SLC2A13: variants seen among roughly 807,000 people sequenced by gnomAD.
SLC2A13 encodes the protein solute carrier family 2 member 13, also known as proton myo-inositol cotransporter.
Under a neutral mutation model 64.4 loss-of-function variants are expected in SLC2A13, and 32 were observed. The observed-to-expected ratio is 0.50, with a 90% CI of 0.37 to 0.67. The LOEUF (loss-of-function observed/expected upper bound fraction) is 0.67. Ranked by LOEUF, SLC2A13 falls within the 30% of genes least tolerant of loss-of-function variation. The pLI is 0.00. For synonymous variants in SLC2A13, 338 were observed against 327.1 expected (o/e 1.03, Z -0.36); for missense variants, 743 against 829.2 (o/e 0.90, Z 1.28).
intron 1 of SLC2A13, among the ~76,000 whole-genome samples, chr12:40,100,075 G>A (rs1222142887): frequency 1.3e-5 from 2 of 151,972 alleles, no homozygotes; most frequent in African/African-American, 4.8e-5. Context: ...TTGCACTGAG[G>A]AAGAATTCAA....
At chr12:39,959,926 T>C (rs972386465) in intron 3 of SLC2A13, among the ~76,000 whole-genome samples, 5 of 152,222 alleles carry the variant, frequency 3.3e-5, no homozygotes, top group Non-Finnish European at 7.3e-5. Context: ...ACCCATCACC[T>C]AGGCATTAAG....
intron 6 of SLC2A13, among the ~76,000 whole-genome samples, chr12:39,852,207 G>A (rs138135317): frequency 4.3e-4 from 65 of 152,268 alleles, no homozygotes; most frequent in East Asian, 3.3e-3. Context: ...ACATGAATCC[G>A]TGTTTTCAAA....
At chr12:39,761,195 A>T (rs530519971) in intron 9 of SLC2A13, among the ~76,000 whole-genome samples, 1 of 152,010 alleles carries the variant, frequency 6.6e-6, no homozygotes, top group African/African-American at 2.4e-5. Context: ...TGGCCATGTG[A>T]CTTCTGGATA....
intron 3 of SLC2A13, among the ~76,000 whole-genome samples, chr12:40,009,553 C>T (rs1230737770): frequency 6.6e-6 from 1 of 152,128 alleles, no homozygotes; most frequent in Non-Finnish European, 1.5e-5. Flanking sequence ...CTTCAGCCAC[C>T]CGAGTATCTG....
chr12:39,997,552 C>T (rs993635959), intron 3 of SLC2A13, among the ~76,000 whole-genome samples: 3 of 152,128 alleles, frequency 2.0e-5, no homozygotes, highest in Non-Finnish European at 4.4e-5. Flanking sequence ...ATAATCAGGC[C>T]AGGCATAATG....
chr12:39,895,121 A>G (rs1050934548), intron 4 of SLC2A13, among the ~76,000 whole-genome samples: 3 of 152,082 alleles, frequency 2.0e-5, no homozygotes, highest in African/African-American at 7.2e-5. Flanking sequence ...GTCCCACCTC[A>G]GCCTCCCAAG....
intron 3 of SLC2A13, among the ~76,000 whole-genome samples, chr12:39,984,050 A>G (rs1272254633): frequency 6.6e-6 from 1 of 152,028 alleles, no homozygotes; most frequent in Non-Finnish European, 1.5e-5. Context: ...GAAATTGGAA[A>G]CCATCATTCT....
At chr12:39,905,999 T>G (rs932362619) in intron 4 of SLC2A13, among the ~76,000 whole-genome samples, 2 of 152,168 alleles carry the variant, frequency 1.3e-5, no homozygotes, top group African/African-American at 2.4e-5. Context: ...ATATAACAGC[T>G]GATTAAGAGG....
chr12:39,919,673 C>A (rs181711186), intron 4 of SLC2A13, among the ~76,000 whole-genome samples: 1 of 152,028 alleles, frequency 6.6e-6, no homozygotes, highest in East Asian at 1.9e-4. Flanking sequence ...GATGGAAACA[C>A]CCCCCAAACC....
In SLC2A13 at chr12:40,085,850, C is replaced by T. The variant is rs182270031; in HGVS notation, c.556+19403G>A. Among the ~76,000 whole-genome samples, 310 of 152,116 alleles carry T rather than the reference C, an allele frequency of 2.0e-3. 1 individual carries two copies. Among genetic ancestry groups the T allele is most frequent in the Non-Finnish European group, 2.8e-3 (191 of 67,974 alleles). Reference sequence around the variant, plus strand: ...GCAGGACCCAGGATTTCCAATTTCACGTCCCGCATTCCTTCTGCTACTCCC... The same window carrying T: ...GCAGGACCCAGGATTTCCAATTTCATGTCCCGCATTCCTTCTGCTACTCCC... On this transcript the variant is annotated intron_variant, in intron 1 of 9. Transcript: ENST00000280871.
intron 1 of SLC2A13, among the ~76,000 whole-genome samples, chr12:40,104,735 G>A (rs547160505): frequency 6.6e-6 from 1 of 152,198 alleles, no homozygotes; most frequent in East Asian, 1.9e-4. Context: ...GGCAGGGGTC[G>A]CTAATAAACC....
chr12:39,838,046 A>G (rs1248910981), intron 6 of SLC2A13, among the ~76,000 whole-genome samples: 2 of 150,828 alleles, frequency 1.3e-5, no homozygotes, highest in East Asian at 2.0e-4. Context: ...GCACACATAT[A>G]TTTATTGTGG....
intron 4 of SLC2A13, among the ~76,000 whole-genome samples, chr12:39,938,194 G>A (rs1945949490): frequency 6.6e-6 from 1 of 152,080 alleles, no homozygotes; most frequent in African/African-American, 2.4e-5. Flanking sequence ...AATCATACAT[G>A]CTTTCTCATG....
intron 7 of SLC2A13, among the ~76,000 whole-genome samples, chr12:39,829,208 C>T (rs1204484619): frequency 6.6e-6 from 1 of 151,622 alleles, no homozygotes; most frequent in Non-Finnish European, 1.5e-5. Context: ...TTATTTTATA[C>T]TAATATTTCA....
intron 4 of SLC2A13, among the ~76,000 whole-genome samples, chr12:39,918,945 C>T (rs958713364): frequency 2.0e-5 from 3 of 151,424 alleles, no homozygotes; most frequent in Non-Finnish European, 4.4e-5. Flanking sequence ...CGCGCACACA[C>T]ACACACACAC....
At chr12:40,061,584 T>C (rs1233225828) in intron 1 of SLC2A13, among the ~76,000 whole-genome samples, 1 of 152,096 alleles carries the variant, frequency 6.6e-6, no homozygotes, top group East Asian at 1.9e-4. Flanking sequence ...CTAGAGATGA[T>C]TTAAGGTACA....
intron 3 of SLC2A13, among the ~76,000 whole-genome samples, chr12:39,961,188 C>T (rs1946406640): frequency 6.6e-6 from 1 of 152,000 alleles, no homozygotes; most frequent in Non-Finnish European, 1.5e-5. Context: ...AGCAATTCTC[C>T]TGCCTCAGCC....
chr12:40,105,342 G>T lies in SLC2A13; in HGVS notation c.467C>A (p.Ala156Asp). ...GRRAAILLAS[A>D]LFTAGSAVLA... is the part of the protein sequence containing the mutation. ...CACCGCGGAGCCGGCGGTGAAGAGG[G>T]CACTGGCCAGGAGGATGGCAGCGCG... The change falls in exon 1 of 10, where the codon GCC becomes GAC. Residue 156 changes from alanine to aspartate, a missense_variant. Around this residue, in one of 2 missense-constraint regions of SLC2A13, gnomAD observed 448 missense variants for 447.4 expected, o/e 1.00. Transcript: ENST00000280871. This position sits in a 1 kb window ranked among gnomAD's most constrained non-coding sequence, Gnocchi z 4.2. The T allele has an allele frequency of 1.3e-6, 2 of 1,594,764 alleles. No homozygotes were observed. The highest frequency in any genetic ancestry group is 1.7e-6 in the Non-Finnish European group (2 of 1,172,160).
chr12:40,020,739 TA>T (rs1248634321), intron 3 of SLC2A13, among the ~76,000 whole-genome samples: 3 of 152,120 alleles, frequency 2.0e-5, no homozygotes, highest in Non-Finnish European at 4.4e-5. Context: ...AAAGATCAGG[TA>T]ACCTTTAAAG....
Sources: gnomAD v4.1 joint callset for allele counts (sites outside exome capture counted in the v4.1 genomes callset) on GRCh38, gnomAD v4.1.1 for gene constraint, gnomAD v4.1.1 regional missense constraint, Gnocchi (gnomAD v3.1) non-coding constraint, MANE v1.5 for transcripts, NCBI Gene and HGNC (gene_info 2026-07-23, HGNC 2026-07-21) for gene names.